Variants in GPR89A observed in about 807,000 individuals in gnomAD.
GPR89A encodes the protein golgi pH regulator A.
GPR89A carries 16 observed loss-of-function variants against 52.0 expected under a neutral mutation model. The ratio of observed to expected loss-of-function variants is 0.31; its 90% CI spans 0.21 to 0.47. The LOEUF is 0.47. GPR89A is among the 20% of genes least tolerant of loss of function. GPR89A has a pLI of 1.00. For missense variants in GPR89A, 135 were observed against 449.4 expected, an observed-to-expected ratio of 0.30 and a Z score of 6.33; for synonymous variants, 55 against 150.9, an observed-to-expected ratio of 0.36 and a Z score of 4.66.
At position 145,666,718 on chromosome 1, in the gene GPR89A, G is replaced by A. The variant is rs1429594172; in HGVS notation, c.1095+1067G>A. ...TCCCTCCCCCCTCCCCCCACCCCACGACAAGCCTCGGTGTGTGATGTTCCC... is the reference window on the plus strand; with the variant it reads ...TCCCTCCCCCCTCCCCCCACCCCACAACAAGCCTCGGTGTGTGATGTTCCC... On this transcript the variant is annotated intron_variant, in intron 12 of 13. Transcript: ENST00000313835. 1.3e-4 allele frequency among the ~76,000 whole-genome samples: 13 copies of A among 102,700 alleles called. No individual in the cohort carries two copies. In the Admixed American group the frequency reaches 1.4e-3, roughly 11 times the overall value. The allele number at this position is 102,700 out of a possible 152,430, so 67.4% of individuals were successfully genotyped here. A position where few individuals can be genotyped will look rare whatever the true frequency, so the allele number is the denominator to read the frequency against.
intron 1 of GPR89A, chr1:145,611,400 G>T (rs1648269081): frequency 6.6e-6 from 1 of 151,098 alleles, no homozygotes; most frequent in Non-Finnish European, 1.5e-5. Context: ...ATGTTGGTGA[G>T]TACCCAATAT....
At chr1:145,654,653 C>T (rs1486158502) in intron 10 of GPR89A, among the ~76,000 whole-genome samples, 2 of 151,342 alleles carry the variant, frequency 1.3e-5, no homozygotes, top group Admixed American at 6.6e-5. Flanking sequence ...TGATGGACTT[C>T]TCTTTGTAGG....
intron 7 of GPR89A, among the ~76,000 whole-genome samples, chr1:145,633,969 A>C (rs1650043823): frequency 6.6e-6 from 1 of 151,926 alleles, no homozygotes; most frequent in Non-Finnish European, 1.5e-5. Flanking sequence ...ACTGAAAACT[A>C]TACAACATTA....
chr1:145,646,056 G>C, intron 8 of GPR89A, 128 bp from the exon 9 acceptor site: 3 of 1,444,322 alleles, frequency 2.1e-6, no homozygotes, highest in Non-Finnish European at 2.9e-6. Context: ...TGCTGGCTAT[G>C]AAACAGGAAA....
At chr1:145,641,602 A>C (rs1402768783) in intron 7 of GPR89A, among the ~76,000 whole-genome samples, 22 of 152,084 alleles carry the variant, frequency 1.4e-4, no homozygotes, top group Non-Finnish European at 2.6e-4. Context: ...TACTAGAAAC[A>C]ACAGAGACCA....
chr1:145,666,621 G>C (rs1357580893), intron 12 of GPR89A, among the ~76,000 whole-genome samples: 1 of 151,372 alleles, frequency 6.6e-6, no homozygotes, highest in East Asian at 1.9e-4. Flanking sequence ...TGTTACATTT[G>C]GATACATGTG....
chr1:145,645,283 A>G (rs1449705713), intron 8 of GPR89A: 1 of 315,838 alleles, frequency 3.2e-6, no homozygotes, highest in East Asian at 8.2e-5. Flanking sequence ...TAAGGAAGGA[A>G]CTGAAGGGCA....
At chr1:145,637,595 G>A (rs1326210038) in intron 7 of GPR89A, among the ~76,000 whole-genome samples, 2 of 149,968 alleles carry the variant, frequency 1.3e-5, no homozygotes, top group Non-Finnish European at 3.0e-5. Flanking sequence ...AAAGAAACAA[G>A]ACGATGTGAC....
At chr1:145,624,507 T>TA (rs1553688686) in intron 5 of GPR89A, among the ~76,000 whole-genome samples, 2 of 149,784 alleles carry the variant, frequency 1.3e-5, no homozygotes, top group East Asian at 1.9e-4. Flanking sequence ...GGAACCTTTT[T>TA]AAAAAAATCT....
chr1:145,640,167 G>A (rs1260981726), intron 7 of GPR89A, among the ~76,000 whole-genome samples: 14 of 144,056 alleles, frequency 9.7e-5, no homozygotes, highest in Non-Finnish European at 2.0e-4. Flanking sequence ...GCAGTGAGCC[G>A]AGATCCGCCA....
At chr1:145,639,066 T>G (rs1650446641) in intron 7 of GPR89A, among the ~76,000 whole-genome samples, 1 of 147,522 alleles carries the variant, frequency 6.8e-6, no homozygotes, top group Non-Finnish European at 1.5e-5. Flanking sequence ...AATGAAATAC[T>G]TACATAGAAG....
chr1:145,641,507 ATC>A (rs1380006623), intron 7 of GPR89A, among the ~76,000 whole-genome samples: 1 of 150,726 alleles, frequency 6.6e-6, no homozygotes, highest in Non-Finnish European at 1.5e-5. Context: ...GGTACATGGA[ATC>A]TCTGCATTTT....
chr1:145,668,488 T>C (rs1157092002), intron 12 of GPR89A, among the ~76,000 whole-genome samples: 3 of 152,136 alleles, frequency 2.0e-5, no homozygotes, highest in Non-Finnish European at 2.9e-5. Context: ...CGATGGGGTT[T>C]TCTATATATA....
intron 9 of GPR89A, chr1:145,646,536 T>C (rs1353221866): frequency 2.2e-6 from 1 of 453,308 alleles, no homozygotes; most frequent in Non-Finnish European, 4.0e-6. Flanking sequence ...AGGTGGCACG[T>C]ACCACCTCCT....
chr1:145,663,779 C>A (rs587642672), intron 11 of GPR89A, among the ~76,000 whole-genome samples: 5 of 152,240 alleles, frequency 3.3e-5, no homozygotes, highest in African/African-American at 1.2e-4. Context: ...CTCTGTGATT[C>A]TTATTAAGCT....
intron 7 of GPR89A, among the ~76,000 whole-genome samples, chr1:145,642,303 C>G (rs1553691852): frequency 6.6e-6 from 1 of 152,136 alleles, no homozygotes; most frequent in East Asian, 1.9e-4. Context: ...TATATGTGTT[C>G]TAGCTTTTTC....
intron 7 of GPR89A, among the ~76,000 whole-genome samples, chr1:145,643,269 G>A (rs781981570): frequency 4.6e-5 from 7 of 151,346 alleles, no homozygotes; most frequent in Admixed American, 2.0e-4. Context: ...AGGTTCAAGC[G>A]ATTCTCCTGC....
chr1:145,658,463 C>T (rs1651963108), intron 10 of GPR89A, among the ~76,000 whole-genome samples: 1 of 151,720 alleles, frequency 6.6e-6, no homozygotes, highest in Admixed American at 6.6e-5. Flanking sequence ...CCGACACACA[C>T]ACACACACAC....
intron 3 of GPR89A, among the ~76,000 whole-genome samples, chr1:145,620,149 T>C (rs1281507246): frequency 6.6e-6 from 1 of 152,216 alleles, no homozygotes; most frequent in Non-Finnish European, 1.5e-5. Flanking sequence ...CCTGCATCTT[T>C]CACTGCTATT....
Sources: gnomAD v4.1 joint callset for allele counts (sites outside exome capture counted in the v4.1 genomes callset) on GRCh38, gnomAD v4.1.1 for gene constraint, MANE v1.5 for transcripts, NCBI Gene and HGNC (gene_info 2026-07-23, HGNC 2026-07-21) for gene names.